Variants in PRORP observed in about 807,000 individuals in gnomAD.
The protein encoded by PRORP is protein only RNase P catalytic subunit.
In PRORP, 51 loss-of-function variants were observed where a neutral mutation model predicts 59.4. The observed-to-expected ratio is 0.86, with a 90% confidence interval of 0.69 to 1.08. The LOEUF is 1.08. PRORP is among the 50% of genes least tolerant of loss of function. PRORP has a pLI of 0.00. For synonymous variants in PRORP, 231 were observed against 245.6 expected, an observed-to-expected ratio of 0.94 and a Z score of 0.55; for missense variants, 646 against 690.3, an observed-to-expected ratio of 0.94 and a Z score of 0.72.
At chr14:35,229,329 T>A (rs1202240818) in intron 5 of PRORP, among the ~76,000 whole-genome samples, 3 of 152,206 alleles carry the variant, frequency 2.0e-5, no homozygotes, top group Non-Finnish European at 2.9e-5. Context: ...TTGTTTTTAT[T>A]GCAGTTGCTT....
At chr14:35,157,876 TA>T (rs1419807222) in intron 4 of PRORP, 1 of 161,326 alleles carries the variant, frequency 6.2e-6, no homozygotes, top group Non-Finnish European at 1.4e-5. Flanking sequence ...TAACTATTAA[TA>T]ATACGTAACT....
At chr14:35,175,004 G>A (rs1036227539) in intron 4 of PRORP, among the ~76,000 whole-genome samples, 1 of 148,908 alleles carries the variant, frequency 6.7e-6, no homozygotes, top group Admixed American at 6.9e-5. Context: ...TTGGTTTTCT[G>A]TCCTTGCAAT....
chr14:35,135,790 T>C (rs1458844757), intron 4 of PRORP, among the ~76,000 whole-genome samples: 1 of 151,978 alleles, frequency 6.6e-6, no homozygotes. Flanking sequence ...AAACCCCGTC[T>C]CTACTAAAAA....
intron 4 of PRORP, among the ~76,000 whole-genome samples, chr14:35,134,002 A>C (rs2047314230): frequency 6.6e-6 from 1 of 152,306 alleles, no homozygotes; most frequent in South Asian, 2.1e-4. Flanking sequence ...TGTTCACTCA[A>C]GGCCCTGGGG....
chr14:35,198,787 AC>A (rs2049069220), intron 5 of PRORP, among the ~76,000 whole-genome samples: 1 of 152,206 alleles, frequency 6.6e-6, no homozygotes, highest in Non-Finnish European at 1.5e-5. Flanking sequence ...TAATCCCAGC[AC>A]TTTGGGAGGC....
chr14:35,219,187 C>G (rs1413818283), intron 5 of PRORP: 1 of 152,194 alleles, frequency 6.6e-6, no homozygotes, highest in African/African-American at 2.4e-5. Context: ...GCACGCCCAG[C>G]CAGTAAGGTT....
At chr14:35,164,936 C>T (rs2048147056) in intron 4 of PRORP, among the ~76,000 whole-genome samples, 1 of 152,028 alleles carries the variant, frequency 6.6e-6, no homozygotes, top group Non-Finnish European at 1.5e-5. Context: ...CCAAAAAAAA[C>T]TCATGAAGGA....
At chr14:35,161,554 G>A (rs1237564301) in intron 4 of PRORP, among the ~76,000 whole-genome samples, 1 of 152,124 alleles carries the variant, frequency 6.6e-6, no homozygotes, top group Non-Finnish European at 1.5e-5. Context: ...TTTGGGGTTT[G>A]CAGGACTCAG....
intron 5 of PRORP, among the ~76,000 whole-genome samples, chr14:35,247,065 G>C (rs967962793): frequency 1.3e-5 from 2 of 152,120 alleles, no homozygotes; most frequent in East Asian, 3.8e-4. Context: ...GGCTCAGAGA[G>C]GAAATGTAAC....
At chr14:35,233,087 C>CTTTGTCTTTGAGTAGTTCTCTAATTTTT (rs2050122855) in intron 5 of PRORP, among the ~76,000 whole-genome samples, 8 of 150,990 alleles carry the variant, frequency 5.3e-5, no homozygotes, top group African/African-American at 9.7e-5. Context: ...TGCTCTCAAA[C>CTTTGTCTTTGAGTAGTTCTCTAATTTTT]TTCAGTTTCC....
At position 35,262,702 on chromosome 14, in the gene PRORP, A is replaced by G. The variant is rs2050936866; in HGVS notation, c.1276-4025A>G. The G allele has an allele frequency of 1.8e-5, 15 of 816,824 alleles. No individual in the cohort carries two copies. The South Asian group carries it at 2.0e-4, about 11-fold the overall frequency. The allele number at this position is 816,824 out of a possible 1,614,324, so 50.6% of individuals were successfully genotyped here. On this transcript the variant is annotated intron_variant, in intron 5 of 7. Coordinates refer to ENST00000534898, the MANE Select transcript of PRORP (RefSeq NM_014672.4). ...TGTAGTCATGTACAGAACATGATCAAGGGTGTTACACTGGGCTTCCATTAC... is the reference window on the plus strand; with the variant it reads ...TGTAGTCATGTACAGAACATGATCAGGGGTGTTACACTGGGCTTCCATTAC...
At chr14:35,237,601 C>A (rs184911159) in intron 5 of PRORP, among the ~76,000 whole-genome samples, 6 of 152,230 alleles carry the variant, frequency 3.9e-5, no homozygotes, top group Admixed American at 2.0e-4. Context: ...AGGGAGATAT[C>A]TGAATATATT....
intron 5 of PRORP, among the ~76,000 whole-genome samples, chr14:35,223,328 A>C (rs975905044): frequency 1.3e-5 from 2 of 151,294 alleles, no homozygotes; most frequent in African/African-American, 4.9e-5. Context: ...TGTAATCTGT[A>C]TTAGGAAATC....
intron 5 of PRORP, among the ~76,000 whole-genome samples, chr14:35,214,628 C>T (rs934571748): frequency 6.6e-6 from 1 of 152,044 alleles, no homozygotes; most frequent in Non-Finnish European, 1.5e-5. Flanking sequence ...AAGCTGGGGC[C>T]GGGTGTGGTG....
chr14:35,157,065 C>T (rs940666252), intron 4 of PRORP, among the ~76,000 whole-genome samples: 2 of 151,042 alleles, frequency 1.3e-5, no homozygotes, highest in African/African-American at 4.9e-5. Flanking sequence ...ACGCCATTCT[C>T]CTGCCTCAGC....
At chr14:35,154,370 G>C (rs1201627876) in intron 4 of PRORP, among the ~76,000 whole-genome samples, 1 of 152,190 alleles carries the variant, frequency 6.6e-6, no homozygotes, top group Admixed American at 6.5e-5. Flanking sequence ...AATATCTAAA[G>C]GGAGAAATTC....
chr14:35,262,694 C>T (rs2050936525), intron 5 of PRORP: 3 of 808,580 alleles, frequency 3.7e-6, no homozygotes, highest in Admixed American at 3.4e-5. Flanking sequence ...ATGTACAGAA[C>T]ATGATCAAGG....
At chr14:35,160,336 T>C (rs967497745) in intron 4 of PRORP, among the ~76,000 whole-genome samples, 3 of 152,226 alleles carry the variant, frequency 2.0e-5, no homozygotes. Flanking sequence ...TTGGATAACT[T>C]TCACAGGCTA....
At chr14:35,159,296 T>C (rs1040864725) in intron 4 of PRORP, among the ~76,000 whole-genome samples, 1 of 152,200 alleles carries the variant, frequency 6.6e-6, no homozygotes, top group African/African-American at 2.4e-5. Context: ...TCTAGACTGC[T>C]TTGTGTTTTC....
Sources: gnomAD v4.1 joint callset for allele counts (sites outside exome capture counted in the v4.1 genomes callset) on GRCh38, gnomAD v4.1.1 for gene constraint, MANE v1.5 for transcripts, NCBI Gene and HGNC (gene_info 2026-07-23, HGNC 2026-07-21) for gene names.